Variants in ZNG1E observed in about 807,000 individuals in gnomAD.
The protein encoded by ZNG1E is zinc-regulated GTPase metalloprotein activator 1E.
the ZNG1E span, among the ~76,000 whole-genome samples, chr9:65,717,646 G>T: frequency 1.3e-5 from 2 of 149,362 alleles, no homozygotes; most frequent in Non-Finnish European, 1.5e-5. Flanking sequence ...TGTTTACAAG[G>T]GGAACAAATG....
the ZNG1E span, among the ~76,000 whole-genome samples, chr9:65,722,268 G>C: frequency 6.6e-3 from 132 of 19,916 alleles, no homozygotes; most frequent in African/African-American, 0.015. Flanking sequence ...TCAGCGGAAG[G>C]TCAGAAAATC....
the ZNG1E span, among the ~76,000 whole-genome samples, chr9:65,717,574 T>C: frequency 2.7e-5 from 4 of 149,822 alleles, no homozygotes; most frequent in African/African-American, 1.0e-4. Context: ...ATTAGAACTG[T>C]ATTTTTAATT....
chr9:65,685,252 G>A, the ZNG1E span, among the ~76,000 whole-genome samples: 1 of 152,380 alleles, frequency 6.6e-6, no homozygotes, highest in East Asian at 1.9e-4. Context: ...TGACCAATCA[G>A]GGTAGTAGTT....
At chr9:65,702,528 C>CT in the ZNG1E span, among the ~76,000 whole-genome samples, 3 of 148,064 alleles carry the variant, frequency 2.0e-5, no homozygotes, top group African/African-American at 7.8e-5. Context: ...GGCAAAGCAA[C>CT]TTACAACTAG....
chr9:65,686,906 T>C, the ZNG1E span, among the ~76,000 whole-genome samples: 1 of 152,252 alleles, frequency 6.6e-6, no homozygotes, highest in Non-Finnish European at 1.5e-5. Context: ...AATTAGGCTT[T>C]GGCTTAAGGG....
the ZNG1E span, among the ~76,000 whole-genome samples, chr9:65,660,180 C>A: frequency 7.4e-6 from 1 of 135,836 alleles, no homozygotes; most frequent in Non-Finnish European, 1.5e-5. Context: ...CAACACAGAG[C>A]AGATCACAAG....
At chr9:65,659,037 A>G in the ZNG1E span, among the ~76,000 whole-genome samples, 323 of 152,226 alleles carry the variant, frequency 2.1e-3, 9 homozygotes, top group East Asian at 0.014. Context: ...GGGGCAGGGG[A>G]CACAATTCAG....
At chr9:65,662,073 T>G in the ZNG1E span, among the ~76,000 whole-genome samples, 3 of 152,208 alleles carry the variant, frequency 2.0e-5, no homozygotes, top group African/African-American at 7.2e-5. Flanking sequence ...CTGACAAAGT[T>G]AACATTCTAG....
At chr9:65,658,780 T>A in the ZNG1E span, among the ~76,000 whole-genome samples, 1 of 138,156 alleles carries the variant, frequency 7.2e-6, no homozygotes, top group Non-Finnish European at 1.5e-5. Context: ...TCGTTTTTCC[T>A]GACGCTTCTC....
At chr9:65,658,182 A>G in the ZNG1E span, among the ~76,000 whole-genome samples, 6 of 150,764 alleles carry the variant, frequency 4.0e-5, no homozygotes, top group African/African-American at 9.9e-5. Flanking sequence ...AAAAGTTTCA[A>G]TTGATTCACA....
the ZNG1E span, chr9:65,703,828 C>T: frequency 2.1e-6 from 2 of 969,190 alleles, no homozygotes; most frequent in African/African-American, 2.1e-5. Context: ...ACAGCAGCAG[C>T]TGCTTATATG....
chr9:65,699,983 G>C, the ZNG1E span, among the ~76,000 whole-genome samples: 2 of 151,474 alleles, frequency 1.3e-5, no homozygotes, highest in African/African-American at 2.4e-5. Context: ...GCAAGTAACA[G>C]AACTTAGTAA....
the ZNG1E span, among the ~76,000 whole-genome samples, chr9:65,714,674 G>T: frequency 6.6e-6 from 1 of 151,972 alleles, no homozygotes; most frequent in Non-Finnish European, 1.5e-5. Flanking sequence ...CTGCTAGGGG[G>T]TGCCTCCCAG....
the ZNG1E span, among the ~76,000 whole-genome samples, chr9:65,685,415 C>T: frequency 6.6e-6 from 1 of 152,164 alleles, no homozygotes. Flanking sequence ...AAATTGGAGT[C>T]AGTCCTCTCA....
At chr9:65,706,950 G>C in the ZNG1E span, 3 of 134,298 alleles carry the variant, frequency 2.2e-5, no homozygotes. Flanking sequence ...TGACAAACTT[G>C]GAGGGAAACT....
At chr9:65,672,322 G>A in the ZNG1E span, among the ~76,000 whole-genome samples, 1 of 152,122 alleles carries the variant, frequency 6.6e-6, no homozygotes, top group African/African-American at 2.4e-5. Flanking sequence ...AAAGCTAAAT[G>A]AGGAGGAATT....
the ZNG1E span, among the ~76,000 whole-genome samples, chr9:65,659,355 C>T: frequency 1.3e-5 from 2 of 150,578 alleles, no homozygotes; most frequent in Admixed American, 6.6e-5. Context: ...ATTAGCCAGG[C>T]GTGGTGGCGC....
chr9:65,715,131 GC>G, the ZNG1E span, among the ~76,000 whole-genome samples: 69 of 148,500 alleles, frequency 4.6e-4, no homozygotes, highest in African/African-American at 1.8e-3. Flanking sequence ...TCGGAAAAGC[GC>G]AGTATTCTGG....
chr9:65,667,075 T>A, the ZNG1E span, among the ~76,000 whole-genome samples: 2 of 152,258 alleles, frequency 1.3e-5, no homozygotes, highest in South Asian at 4.1e-4. Context: ...CCTGTCTTGG[T>A]CTCCCAAAGT....
Sources: gnomAD v4.1 joint callset for allele counts (sites outside exome capture counted in the v4.1 genomes callset) on GRCh38, gnomAD v4.1.1 for gene constraint, MANE v1.5 for transcripts, NCBI Gene and HGNC (gene_info 2026-07-23, HGNC 2026-07-21) for gene names.